The following ASB13 variants were observed in gnomAD, a reference collection of about 807,000 sequenced individuals.
ASB13 encodes the protein ankyrin repeat and SOCS box protein 13.
A neutral mutation model predicts 28.8 loss-of-function variants in ASB13; 33 were observed. The ratio of observed to expected loss-of-function variants is 1.15; its 90% CI spans 0.87 to 1.53. ASB13 has a LOEUF of 1.53. Among genes scored for constraint, ASB13 ranks in the 40% most tolerant of loss-of-function variants. The pLI is 0.00. For missense variants in ASB13, 414 were observed against 390.1 expected (o/e 1.06, Z -0.52); for synonymous variants, 182 against 172.9 (o/e 1.05, Z -0.41).
Position 5,652,816 on chromosome 10 carries a change from C to A in ASB13, c.231+47G>T. On this transcript the variant is annotated intron_variant, in intron 2 of 5. Transcript: ENST00000357700. This position sits in a 1 kb window ranked among gnomAD's most constrained non-coding sequence, Gnocchi z 5.0. ...TTCTCCTGAGTCAACCTCCTCCATT[C>A]TGGCAGCTGCAGCCAGTCTGGGGGT... 1 of 1,468,836 alleles carries A rather than the reference C, an allele frequency of 6.8e-7. No homozygotes were observed. Among genetic ancestry groups the A allele is most frequent in the South Asian group, 1.3e-5 (1 of 74,940 alleles). 91.0% of individuals were successfully genotyped at this position (1,468,836 alleles called of 1,614,324 possible).
rs1371519718 is a variant in ASB13, at chr10:5,664,811, G to A, written c.43+1698C>T. Among the ~76,000 whole-genome samples the A allele has an allele frequency of 6.6e-6, 1 of 152,044 alleles. No homozygotes were observed. The highest frequency in any genetic ancestry group is 1.5e-5 in the Non-Finnish European group (1 of 67,996). ...TTCTCCTGCCTCAGCCTCCCCAGTA[G>A]CTGAGATTACAGGTGCCCGCCACTA... On this transcript the variant is annotated intron_variant, in intron 1 of 5. Coordinates refer to ENST00000357700, the MANE Select transcript of ASB13 (RefSeq NM_024701.4). This position sits in a 1 kb window ranked among gnomAD's most constrained non-coding sequence, Gnocchi z 4.2.
At position 5,663,121 on chromosome 10, in the gene ASB13, A is replaced by G. The variant is rs1539446; in HGVS notation, c.43+3388T>C. On this transcript the variant is annotated intron_variant, in intron 1 of 5. Transcript: ENST00000357700. The surrounding 1 kb of genome is among the most constrained non-coding windows in gnomAD (Gnocchi z 4.9). Reference sequence around the variant, plus strand: ...GCAGACTGATTTTAAGATGTGTTCAATGAAGCAAAAATGCCAGTATTTGCC... The same window carrying G: ...GCAGACTGATTTTAAGATGTGTTCAGTGAAGCAAAAATGCCAGTATTTGCC... Among the ~76,000 whole-genome samples, 16,077 of 152,242 alleles carry G rather than the reference A, an allele frequency of 0.11. 1,027 individuals are homozygous for G. Among genetic ancestry groups the G allele is most frequent in the East Asian group, 0.2 (1,049 of 5,184 alleles).
intron 4 of ASB13, among the ~76,000 whole-genome samples, chr10:5,648,391 CAGGCAAACACCCCCTT>C (rs1834922699): frequency 7.7e-6 from 1 of 129,210 alleles, no homozygotes; most frequent in Admixed American, 7.8e-5. Context: ...AACACCCACT[CAGGCAAACACCCCCTT>C]GGGTAAACAC....
chr10:5,647,121 A>G (rs1370009629), intron 4 of ASB13, among the ~76,000 whole-genome samples: 1 of 152,182 alleles, frequency 6.6e-6, no homozygotes, highest in Non-Finnish European at 1.5e-5. Context: ...CCTGTTCCCA[A>G]ACAGGTTTGT....
chr10:5,638,871 CT>C lies in ASB13; in HGVS notation c.*1831del, dbSNP rs1834761767. 1.3e-5 allele frequency: 2 copies of C among 152,196 alleles called. No individual in the cohort carries two copies. Among genetic ancestry groups the C allele is most frequent in the Admixed American group, 1.3e-4 (2 of 15,278 alleles). 9.4% of individuals were successfully genotyped at this position (152,196 alleles called of 1,614,324 possible). A position where few individuals can be genotyped will look rare whatever the true frequency, so the allele number is the denominator to read the frequency against. Reference sequence around the variant, plus strand: ...AGAGTCGTGTGAACACAGGGATGCACTTTATTCCGCCACTTTTATTGAGCAA... The same window carrying C: ...AGAGTCGTGTGAACACAGGGATGCACTTATTCCGCCACTTTTATTGAGCAA... On this transcript the variant is annotated 3_prime_UTR_variant, in exon 6 of 6. Coordinates refer to ENST00000357700, the MANE Select transcript of ASB13 (RefSeq NM_024701.4).
Position 5,658,427 on chromosome 10 carries a change from A to C in ASB13, c.44-5377T>G, listed in dbSNP as rs1341383730. ...GCCTGGGTGACTTTGTCTGAAAAAA[A>C]AAAAAAAAACAAAACCAAATAAGCC... On this transcript the variant is annotated intron_variant, in intron 1 of 5. Transcript: ENST00000357700. This position sits in a 1 kb window ranked among gnomAD's most constrained non-coding sequence, Gnocchi z 4.2. 6.6e-6 allele frequency among the ~76,000 whole-genome samples: 1 copy of C among 152,054 alleles called. No individual in the cohort carries two copies. Among genetic ancestry groups the C allele is most frequent in the African/African-American group, 2.4e-5 (1 of 41,430 alleles).
rs2131456508 is a variant in ASB13, at chr10:5,659,553, T to A, written c.44-6503A>T. Among the ~76,000 whole-genome samples, 1 of 152,316 alleles carries A rather than the reference T, an allele frequency of 6.6e-6. No individual in the cohort carries two copies. The highest frequency in any genetic ancestry group is 1.5e-5 in the Non-Finnish European group (1 of 68,036). ...GCTTTGCGTATGCTGTTCCTTCCCCTGCCTGGAAAGCTCTTCTCAGCCCCA... is the reference window on the plus strand; with the variant it reads ...GCTTTGCGTATGCTGTTCCTTCCCCAGCCTGGAAAGCTCTTCTCAGCCCCA... On this transcript the variant is annotated intron_variant, in intron 1 of 5. Transcript: ENST00000357700. This position sits in a 1 kb window ranked among gnomAD's most constrained non-coding sequence, Gnocchi z 5.8.
chr10:5,656,396 G>A lies in ASB13; in HGVS notation c.44-3346C>T, dbSNP rs1421552222. 3.9e-5 allele frequency among the ~76,000 whole-genome samples: 6 copies of A among 152,106 alleles called. No homozygotes were observed. Among genetic ancestry groups the A allele is most frequent in the Admixed American group, 6.5e-5 (1 of 15,268 alleles). ...CTACTAAAAATACAAAGAATTAGCC[G>A]GCCGTGGTGGCACGTGCCTGTAATC... On this transcript the variant is annotated intron_variant, in intron 1 of 5. Transcript: ENST00000357700. The surrounding 1 kb of genome is among the most constrained non-coding windows in gnomAD (Gnocchi z 4.3).
chr10:5,648,904 A>G (rs878880715), intron 4 of ASB13, 66 bp downstream of exon 4: 5 of 1,586,312 alleles, frequency 3.2e-6, no homozygotes, highest in South Asian at 1.1e-5. Context: ...ACACCCACGC[A>G]GGTAAACACC....
Position 5,649,021 on chromosome 10 carries a change from C to A in ASB13, c.466G>T (p.Val156Phe), listed in dbSNP as rs765437248. The A allele has an allele frequency of 6.2e-7, 1 of 1,614,260 alleles. No individual in the cohort carries two copies. The highest frequency in any genetic ancestry group is 8.5e-7 in the Non-Finnish European group (1 of 1,180,042). ...TCCAGATGCTCCCGGGCACAGGCAA[C>A]GTGCAGAGGGGTCCCAAAATGGCAA... ...HDCHFGTPLH[V>F]ACAREHLDCV... Residue 156 changes from valine to phenylalanine, a missense_variant, in exon 4 of 6, where the codon GTT becomes TTT. By Grantham distance (50) the Val-to-Phe change is conservative (BLOSUM62 -1). Transcript: ENST00000357700. The surrounding 1 kb of genome is among the most constrained non-coding windows in gnomAD (Gnocchi z 6.4).
In ASB13 at chr10:5,644,305, G is replaced by A. The variant is rs10905728; in HGVS notation, c.518-2344C>T. On this transcript the variant is annotated intron_variant, in intron 4 of 5. Coordinates refer to ENST00000357700, the MANE Select transcript of ASB13 (RefSeq NM_024701.4). This position sits in a 1 kb window ranked among gnomAD's most constrained non-coding sequence, Gnocchi z 5.1. Reference sequence around the variant, plus strand: ...GCCCAGGAAATCGAGACCAGCCTGCGCAACATAGTGAGACCCTAGCTCTAC... The same window carrying A: ...GCCCAGGAAATCGAGACCAGCCTGCACAACATAGTGAGACCCTAGCTCTAC... Among the ~76,000 whole-genome samples, 87,629 of 151,994 alleles carry A rather than the reference G, an allele frequency of 0.58. 25,375 individuals are homozygous for A. Among genetic ancestry groups the A allele is most frequent in the East Asian group, 0.67 (3,456 of 5,166 alleles).
chr10:5,652,736 TG>T lies in ASB13; in HGVS notation c.231+126del. 1.0e-6 allele frequency: 1 copy of T among 984,458 alleles called. No homozygotes were observed. Among genetic ancestry groups the T allele is most frequent in the Non-Finnish European group, 1.4e-6 (1 of 722,832 alleles). 61.0% of individuals were successfully genotyped at this position (984,458 alleles called of 1,614,324 possible). ...GAGCACTTCTCAGCCATGGGCTTCC[TG>T]GTACCTGTGTGCAGTGGACACAGTG... On this transcript the variant is annotated intron_variant, in intron 2 of 5. Coordinates refer to ENST00000357700, the MANE Select transcript of ASB13 (RefSeq NM_024701.4). The surrounding 1 kb of genome is among the most constrained non-coding windows in gnomAD (Gnocchi z 5.0).
In ASB13 at chr10:5,642,559, TA is replaced by T; in HGVS notation, c.518-599del. On this transcript the variant is annotated intron_variant, in intron 4 of 5. Transcript: ENST00000357700. This position sits in a 1 kb window ranked among gnomAD's most constrained non-coding sequence, Gnocchi z 4.1. ...AAGAGCAGACATTCATCAAGCTGAT[TA>T]AAAGTAAAGGTAAAAAAAAATTTTT... is the stretch of plus-strand genomic sequence containing the variant. 8 of 1,238,262 alleles carry T rather than the reference TA, an allele frequency of 6.5e-6. No homozygotes were observed. The highest frequency in any genetic ancestry group is 8.2e-6 in the Non-Finnish European group (8 of 972,560). 76.7% of individuals were successfully genotyped at this position (1,238,262 alleles called of 1,614,324 possible).
At position 5,656,787 on chromosome 10, in the gene ASB13, A is replaced by G. The variant is rs1421681227; in HGVS notation, c.44-3737T>C. Among the ~76,000 whole-genome samples the G allele has an allele frequency of 6.6e-6, 1 of 152,146 alleles. No individual in the cohort carries two copies. Among genetic ancestry groups the G allele is most frequent in the Non-Finnish European group, 1.5e-5 (1 of 68,008 alleles). On this transcript the variant is annotated intron_variant, in intron 1 of 5. Transcript: ENST00000357700. The surrounding 1 kb of genome is among the most constrained non-coding windows in gnomAD (Gnocchi z 4.3). ...CTGATCAAGGACAAAGATGTTCCCA[A>G]CCTCCTAGGACCTTCACTGGTGCCC...
Position 5,664,703 on chromosome 10 carries a change from C to T in ASB13, c.43+1806G>A, listed in dbSNP as rs995990300. ...TTATTTATTTTATTTATTTTTGAGA[C>T]GGAGTCTCACTCTGTCGCCCAGGCT... is the stretch of plus-strand genomic sequence containing the variant. On this transcript the variant is annotated intron_variant, in intron 1 of 5. Transcript: ENST00000357700. This position sits in a 1 kb window ranked among gnomAD's most constrained non-coding sequence, Gnocchi z 4.2. Among the ~76,000 whole-genome samples the T allele has an allele frequency of 1.3e-5, 2 of 152,068 alleles. No individual in the cohort carries two copies. The highest frequency in any genetic ancestry group is 2.9e-5 in the Non-Finnish European group (2 of 68,012).
At chr10:5,653,862 A>C (rs1054474575) in intron 1 of ASB13, among the ~76,000 whole-genome samples, 1 of 152,020 alleles carries the variant, frequency 6.6e-6, no homozygotes, top group Non-Finnish European at 1.5e-5. Flanking sequence ...TTCTATTTTC[A>C]GTAGAGATGG....
chr10:5,644,903 T>C lies in ASB13; in HGVS notation c.518-2942A>G, dbSNP rs1476669738. On this transcript the variant is annotated intron_variant, in intron 4 of 5. Transcript: ENST00000357700. This position sits in a 1 kb window ranked among gnomAD's most constrained non-coding sequence, Gnocchi z 5.1. ...GTAGGAGAGGGAAAGAAAGTAACTT[T>C]GTGTGAAGCAAGGATGGTAACATAC... 6.6e-6 allele frequency among the ~76,000 whole-genome samples: 1 copy of C among 151,822 alleles called. No homozygotes were observed. The highest frequency in any genetic ancestry group is 2.4e-5 in the African/African-American group (1 of 41,294).
intron 4 of ASB13, among the ~76,000 whole-genome samples, chr10:5,643,125 C>T (rs922210038): frequency 2.0e-5 from 3 of 152,076 alleles, no homozygotes; most frequent in African/African-American, 7.2e-5. Flanking sequence ...TTAAAGAAGC[C>T]AAGCAAATCG....
At position 5,659,175 on chromosome 10, in the gene ASB13, G is replaced by GC. The variant is rs996867823; in HGVS notation, c.44-6126dup. Among the ~76,000 whole-genome samples the GC allele has an allele frequency of 5.9e-4, 90 of 152,070 alleles. No individual in the cohort carries two copies. The highest frequency in any genetic ancestry group is 2.0e-3 in the African/African-American group (82 of 41,470). ...GCCAGGCTCCCTGTGGTGGCAAGAC[G>GC]CCCCCCCTCCCCAATCCCTGCACCC... On this transcript the variant is annotated intron_variant, in intron 1 of 5. Coordinates refer to ENST00000357700, the MANE Select transcript of ASB13 (RefSeq NM_024701.4). The surrounding 1 kb of genome is among the most constrained non-coding windows in gnomAD (Gnocchi z 5.8).
Sources: allele counts gnomAD v4.1 joint callset (sites outside exome capture counted in the v4.1 genomes callset), GRCh38; gene constraint gnomAD v4.1.1; non-coding constraint Gnocchi (gnomAD v3.1); transcripts MANE v1.5; gene names NCBI Gene and HGNC (gene_info 2026-07-23, HGNC 2026-07-21).